The following KLHL20 variants were observed in gnomAD, a reference collection of about 807,000 sequenced individuals.
KLHL20 encodes kelch-like protein 20.
KLHL20 carries 29 observed loss-of-function variants against 69.5 expected under a neutral mutation model. That is an observed-to-expected ratio of 0.42 (90% confidence interval 0.31 to 0.57). The LOEUF is 0.57. KLHL20 is among the 20% of genes least tolerant of loss of function. The pLI is 0.18. For synonymous variants in KLHL20, 253 were observed against 265.2 expected (o/e 0.95, Z 0.45); for missense variants, 419 against 776.0 (o/e 0.54, Z 5.47).
At chr1:173,735,550 T>A (rs1672489161) in intron 3 of KLHL20, among the ~76,000 whole-genome samples, 1 of 152,222 alleles carries the variant, frequency 6.6e-6, no homozygotes, top group African/African-American at 2.4e-5. Flanking sequence ...TACAACTTTT[T>A]AAAAAATCAT....
chr1:173,742,150 A>G (rs1672835302), intron 3 of KLHL20, among the ~76,000 whole-genome samples: 1 of 152,230 alleles, frequency 6.6e-6, no homozygotes, highest in South Asian at 2.1e-4. Context: ...AAAATAACTA[A>G]AACACAAAAC....
At chr1:173,726,104 G>T (rs987939735) in intron 2 of KLHL20, among the ~76,000 whole-genome samples, 2 of 152,170 alleles carry the variant, frequency 1.3e-5, no homozygotes, top group Non-Finnish European at 2.9e-5. Context: ...ATTATATCCC[G>T]CGCCTGGCTC....
chr1:173,738,216 G>A (rs1017056805), intron 3 of KLHL20, among the ~76,000 whole-genome samples: 1 of 152,066 alleles, frequency 6.6e-6, no homozygotes, highest in African/African-American at 2.4e-5. Context: ...TTGTTTGTTT[G>A]TTATAAGAGA....
intron 6 of KLHL20, among the ~76,000 whole-genome samples, 163 bp from the exon 7 acceptor site, chr1:173,756,813 A>G (rs1177491997): frequency 1.3e-5 from 2 of 152,232 alleles, no homozygotes; most frequent in East Asian, 1.9e-4. Context: ...ATTAAAGATT[A>G]TAGCAATCCC....
chr1:173,733,064 G>C (rs1672360717), intron 2 of KLHL20, among the ~76,000 whole-genome samples: 1 of 136,080 alleles, frequency 7.3e-6, no homozygotes, highest in Non-Finnish European at 1.5e-5. Context: ...CTGTCACCCA[G>C]ACTGGAGTGC....
chr1:173,766,337 T>G, intron 8 of KLHL20, 48 bp downstream of exon 8: 1 of 1,492,696 alleles, frequency 6.7e-7, no homozygotes, highest in South Asian at 1.4e-5. Context: ...TTAAAGAACA[T>G]AGAGCTCTTT....
Position 173,733,743 on chromosome 1 carries a change from A to G in KLHL20, c.54A>G (p.Gly18=), listed in dbSNP as rs772669100. Residue 18 remains glycine (G), a synonymous_variant, in exon 3 of 12, where the codon GGA becomes GGG. Transcript: ENST00000209884. The stretch of plus-strand genomic sequence containing the variant: ...CCAACATTCGACCAGGAGAGACTGG[A>G]ATGGATGTAACAAGCCGCTGCACCC... ...RCTNIRPGET[G]MDVTSRCTLG... is the part of the protein sequence containing the mutation. 5 of 1,613,888 alleles carry G rather than the reference A, an allele frequency of 3.1e-6. No homozygotes were observed. Among genetic ancestry groups the G allele is most frequent in the Non-Finnish European group, 4.2e-6 (5 of 1,179,970 alleles).
intron 7 of KLHL20, among the ~76,000 whole-genome samples, chr1:173,762,230 A>T (rs1450792259): frequency 6.6e-6 from 1 of 152,128 alleles, no homozygotes; most frequent in Non-Finnish European, 1.5e-5. Flanking sequence ...GTGGTAATTT[A>T]AAAATTACAA....
chr1:173,740,670 G>GTTATT (rs1672765190), intron 3 of KLHL20, among the ~76,000 whole-genome samples: 1 of 151,780 alleles, frequency 6.6e-6, no homozygotes, highest in South Asian at 2.1e-4. Flanking sequence ...TCAGGAGCAG[G>GTTATT]TTATTTAATT....
chr1:173,718,072 AG>A (rs1436966040), intron 2 of KLHL20, among the ~76,000 whole-genome samples: 3 of 152,092 alleles, frequency 2.0e-5, no homozygotes, highest in Non-Finnish European at 2.9e-5. Flanking sequence ...AATGTATATA[AG>A]ATGTCTTCTC....
At position 173,785,076 on chromosome 1, in the gene KLHL20, TTAA is replaced by T. The variant is rs1299089775; in HGVS notation, c.1746-83_1746-81del. ...TTGTAATATAAAACATAGAAACGTG[TTAA>T]TAACATCTTAGTCGTAGTTAATAAC... On this transcript the variant is annotated intron_variant, in intron 11 of 11. Coordinates refer to ENST00000209884, the MANE Select transcript of KLHL20 (RefSeq NM_014458.4). 50 of 995,544 alleles carry T rather than the reference TTAA, an allele frequency of 5.0e-5. No individual in the cohort carries two copies. In the African/African-American group the frequency reaches 8.3e-4, roughly 16 times the overall value. 61.7% of individuals were successfully genotyped at this position (995,544 alleles called of 1,614,324 possible). A position where few individuals can be genotyped will look rare whatever the true frequency, so the allele number is the denominator to read the frequency against.
intron 11 of KLHL20, among the ~76,000 whole-genome samples, chr1:173,783,220 G>T (rs1648983262): frequency 6.6e-6 from 1 of 152,168 alleles, no homozygotes; most frequent in Non-Finnish European, 1.5e-5. Flanking sequence ...CAAGTTTAGG[G>T]TTACCATCTC....
intron 1 of KLHL20, chr1:173,715,605 A>G (rs1671432631): frequency 6.3e-6 from 1 of 158,266 alleles, no homozygotes; most frequent in Non-Finnish European, 1.4e-5. Context: ...ACAAGTTAAC[A>G]ATCTTCAGAT....
In KLHL20 at chr1:173,728,355, A is replaced by G. The variant is rs1450520658; in HGVS notation, c.24-5358A>G. The stretch of plus-strand genomic sequence containing the variant: ...TCAACGAGACAGAAAGTTAACAAGG[A>G]TATCCAGGATTTGAACTCAGCTCTG... On this transcript the variant is annotated intron_variant, in intron 2 of 11. Coordinates refer to ENST00000209884, the MANE Select transcript of KLHL20 (RefSeq NM_014458.4). 7.2e-5 allele frequency among the ~76,000 whole-genome samples: 11 copies of G among 152,202 alleles called. No homozygotes were observed. The East Asian group carries it at 2.1e-3, about 29-fold the overall frequency.
intron 3 of KLHL20, among the ~76,000 whole-genome samples, chr1:173,738,808 T>C (rs1289733175): frequency 3.3e-5 from 5 of 152,226 alleles, no homozygotes; most frequent in Admixed American, 6.5e-5. Flanking sequence ...TTGACTTGCA[T>C]ATGTTAAACT....
chr1:173,748,483 T>A (rs564603498), intron 3 of KLHL20, among the ~76,000 whole-genome samples: 39 of 152,308 alleles, frequency 2.6e-4, no homozygotes, highest in African/African-American at 9.4e-4. Context: ...ATCATTATCT[T>A]ATACTCACAT....
chr1:173,753,235 C>T lies in KLHL20; in HGVS notation c.779C>T (p.Pro260Leu). The change falls in exon 5 of 12, where the codon CCT becomes CTT. Residue 260 changes from proline to leucine, a missense_variant. By Grantham distance (98) the Pro-to-Leu change is moderately conservative. This residue lies in a region of KLHL20 where 99 missense variants were observed against 240.7 expected (regional missense o/e 0.41). Coordinates refer to ENST00000209884, the MANE Select transcript of KLHL20 (RefSeq NM_014458.4). ...TAGGTGCTGCAGCATGTTCGTTTGCCTTTGCTTAGTCCCAAGTTCCTGGTC... is the reference window on the plus strand; with the variant it reads ...TAGGTGCTGCAGCATGTTCGTTTGCTTTTGCTTAGTCCCAAGTTCCTGGTC... ...LPQVLQHVRL[P>L]LLSPKFLVGT... 1 of 1,613,882 alleles carries T rather than the reference C, an allele frequency of 6.2e-7. No individual in the cohort carries two copies. The highest frequency in any genetic ancestry group is 8.5e-7 in the Non-Finnish European group (1 of 1,179,878).
At chr1:173,768,246 G>A (rs1176426139) in intron 8 of KLHL20, among the ~76,000 whole-genome samples, 1 of 152,062 alleles carries the variant, frequency 6.6e-6, no homozygotes, top group Non-Finnish European at 1.5e-5. Flanking sequence ...TTATACTGGT[G>A]TACAAATAGT....
intron 3 of KLHL20, among the ~76,000 whole-genome samples, chr1:173,746,072 A>C (rs1673045287): frequency 6.6e-6 from 1 of 152,186 alleles, no homozygotes; most frequent in Admixed American, 6.5e-5. Flanking sequence ...GGAGATAATC[A>C]TATGAACTTT....
Sources: allele counts gnomAD v4.1 joint callset (sites outside exome capture counted in the v4.1 genomes callset), GRCh38; gene constraint gnomAD v4.1.1; regional missense constraint gnomAD v4.1.1; transcripts MANE v1.5; gene names NCBI Gene and HGNC (gene_info 2026-07-23, HGNC 2026-07-21).